CAPZA2: variants seen among roughly 807,000 people sequenced by gnomAD.
CAPZA2 encodes the protein capping actin protein of muscle Z-line subunit alpha 2.
In CAPZA2, 13 loss-of-function variants were observed where a neutral mutation model predicts 44.0. The ratio of observed to expected loss-of-function variants is 0.30; its 90% CI spans 0.19 to 0.47. The LOEUF (loss-of-function observed/expected upper bound fraction) is 0.47, where lower values mean the gene tolerates loss of function less well. Among genes scored for constraint, CAPZA2 ranks in the 20% least tolerant of loss-of-function variants. The pLI, the probability that CAPZA2 is intolerant of heterozygous loss-of-function variation, is 1.00. For missense variants in CAPZA2, 244 were observed against 338.6 expected (o/e 0.72, Z 2.19); for synonymous variants, 94 against 108.2 (o/e 0.87, Z 0.81).
At chr7:116,906,535 C>T in intron 6 of CAPZA2, 193 bp downstream of exon 6, 1 of 944,306 alleles carries the variant, frequency 1.1e-6, no homozygotes. Context: ...AGTGGTAAAT[C>T]TGTTGACATT....
In CAPZA2 at chr7:116,910,292, T is replaced by C; in HGVS notation, c.566T>C (p.Val189Ala). The C allele has an allele frequency of 6.3e-7, 1 of 1,577,240 alleles. No individual in the cohort carries two copies. The highest frequency in any genetic ancestry group is 8.7e-7 in the Non-Finnish European group (1 of 1,146,550). ...FTITPSTTQV[V>A]GILKIQVHYY... is the part of the protein sequence containing the mutation. ...ATCACTCCTTCAACCACTCAAGTGG[T>C]TGGCATCTTGAAAATTCAGGTATGA... Residue 189 changes from valine to alanine, a missense_variant, in exon 7 of 10, where the codon GTT becomes GCT. By Grantham distance (64) the Val-to-Ala change is moderately conservative. Coordinates refer to ENST00000361183, the MANE Select transcript of CAPZA2 (RefSeq NM_006136.3).
At chr7:116,863,190 C>T (rs1158547225) in intron 1 of CAPZA2, among the ~76,000 whole-genome samples, 2 of 152,354 alleles carry the variant, frequency 1.3e-5, no homozygotes, top group Non-Finnish European at 2.9e-5. Context: ...GCTTCCTTTT[C>T]TGATCCTCTA....
intron 5 of CAPZA2, 55 bp from the exon 6 acceptor site, chr7:116,906,208 T>C (rs1791504360): frequency 2.5e-6 from 4 of 1,581,900 alleles, no homozygotes; most frequent in South Asian, 1.2e-5. Flanking sequence ...ATTTTTAAAG[T>C]TGGACATTCC....
intron 6 of CAPZA2, among the ~76,000 whole-genome samples, chr7:116,907,257 C>G (rs888140266): frequency 1.3e-5 from 2 of 152,120 alleles, no homozygotes; most frequent in African/African-American, 4.8e-5. Flanking sequence ...GAATGCAGAT[C>G]CATCATCACT....
intron 1 of CAPZA2, chr7:116,873,690 A>T (rs1181358592): frequency 2.6e-5 from 4 of 156,592 alleles, no homozygotes; most frequent in Admixed American, 1.3e-4. Flanking sequence ...GTAAACTCTC[A>T]CGTTGTACCC....
At chr7:116,914,422 TATAC>T (rs1158151945) in intron 8 of CAPZA2, among the ~76,000 whole-genome samples, 1 of 130,262 alleles carries the variant, frequency 7.7e-6, no homozygotes, top group African/African-American at 2.7e-5. Context: ...TATATTTACA[TATAC>T]ATACATACAC....
At chr7:116,876,502 A>T (rs916003151) in intron 1 of CAPZA2, 1 of 152,128 alleles carries the variant, frequency 6.6e-6, no homozygotes, top group African/African-American at 2.4e-5. Context: ...AAATAATATG[A>T]TCTGTGGAGA....
Position 116,917,872 on chromosome 7 carries a change from A to C in CAPZA2, c.*5A>C. 1 of 1,610,892 alleles carries C rather than the reference A, an allele frequency of 6.2e-7. No individual in the cohort carries two copies. ...AAAGAGATGCAGAATGCATAAGATGAACATTGCATGACCGGATCATTTTAG... is the reference window on the plus strand; with the variant it reads ...AAAGAGATGCAGAATGCATAAGATGCACATTGCATGACCGGATCATTTTAG... On this transcript the variant is annotated 3_prime_UTR_variant, in exon 10 of 10. Coordinates refer to ENST00000361183, the MANE Select transcript of CAPZA2 (RefSeq NM_006136.3).
chr7:116,915,015 C>T (rs1003326540), intron 8 of CAPZA2, among the ~76,000 whole-genome samples: 3 of 152,058 alleles, frequency 2.0e-5, no homozygotes, highest in South Asian at 4.1e-4. Flanking sequence ...CGGTGGCTCA[C>T]GTCTGTAATC....
At chr7:116,917,064 G>A (rs1400788017) in intron 9 of CAPZA2, among the ~76,000 whole-genome samples, 1 of 151,778 alleles carries the variant, frequency 6.6e-6, no homozygotes, top group African/African-American at 2.4e-5. Flanking sequence ...CTACACTCTT[G>A]AATTGAACCA....
chr7:116,906,135 A>G (rs1791502966), intron 5 of CAPZA2, 128 bp from the exon 6 acceptor site: 1 of 1,366,048 alleles, frequency 7.3e-7, no homozygotes. Context: ...TATTGGAATG[A>G]TGGCCTACTT....
chr7:116,903,796 C>T (rs1157512478), intron 4 of CAPZA2, among the ~76,000 whole-genome samples: 1 of 152,154 alleles, frequency 6.6e-6, no homozygotes, highest in East Asian at 1.9e-4. Flanking sequence ...CAGGTAACCA[C>T]CCTGATTGGA....
intron 1 of CAPZA2, among the ~76,000 whole-genome samples, chr7:116,865,083 T>G (rs1206962691): frequency 6.6e-6 from 1 of 151,980 alleles, no homozygotes; most frequent in Admixed American, 6.6e-5. Context: ...TCAAAAGCTT[T>G]AAGTAGTTCA....
intron 1 of CAPZA2, among the ~76,000 whole-genome samples, chr7:116,863,265 G>C (rs1311635238): frequency 6.7e-6 from 1 of 149,678 alleles, no homozygotes; most frequent in African/African-American, 2.5e-5. Flanking sequence ...CTTTCCTTTC[G>C]TGGCTCTAGC....
At chr7:116,866,363 G>A (rs969509125) in intron 1 of CAPZA2, among the ~76,000 whole-genome samples, 4 of 151,848 alleles carry the variant, frequency 2.6e-5, no homozygotes, top group African/African-American at 9.7e-5. Context: ...AGTAGAGACG[G>A]GGTTTCACCG....
At chr7:116,863,247 CCTT>C (rs781761933) in intron 1 of CAPZA2, among the ~76,000 whole-genome samples, 15 of 152,368 alleles carry the variant, frequency 9.8e-5, no homozygotes, top group Admixed American at 8.5e-4. Flanking sequence ...ATCTCTCCCT[CCTT>C]CTCTCTTTCC....
Position 116,890,524 on chromosome 7 carries a change from AAATATATATATATATATATAT to A in CAPZA2, c.103+2336_103+2356del, listed in dbSNP as rs1562959868. On this transcript the variant is annotated intron_variant, in intron 2 of 9. Transcript: ENST00000361183. ...TGTCTCTACTTAAAAAAAAAAAAAA[AAATATATATATATATATATAT>A]ATATATATATATATATATATATACA... is the stretch of plus-strand genomic sequence containing the variant. Among the ~76,000 whole-genome samples the A allele has an allele frequency of 7.2e-3, 216 of 29,820 alleles. 8 individuals carry two copies. Among genetic ancestry groups the A allele is most frequent in the South Asian group, 0.01 (6 of 588 alleles). 19.6% of individuals were successfully genotyped at this position (29,820 alleles called of 152,430 possible).
intron 1 of CAPZA2, among the ~76,000 whole-genome samples, chr7:116,883,254 G>A (rs973732640): frequency 6.6e-6 from 1 of 152,018 alleles, no homozygotes; most frequent in East Asian, 1.9e-4. Context: ...TTCTACTCTT[G>A]GGACCTACCT....
chr7:116,891,991 G>T (rs752126379), intron 2 of CAPZA2, among the ~76,000 whole-genome samples: 2 of 152,110 alleles, frequency 1.3e-5, no homozygotes, highest in Non-Finnish European at 2.9e-5. Context: ...GTTCCCTGTT[G>T]TTCAAATGAA....
Sources: gnomAD v4.1 joint callset for allele counts (sites outside exome capture counted in the v4.1 genomes callset) on GRCh38, gnomAD v4.1.1 for gene constraint, MANE v1.5 for transcripts, NCBI Gene and HGNC (gene_info 2026-07-23, HGNC 2026-07-21) for gene names.